PCDH11X: variants seen among roughly 807,000 people sequenced by gnomAD.
PCDH11X encodes the protein protocadherin 11 X-linked.
PCDH11X carries 18 observed loss-of-function variants against 53.3 expected under a neutral mutation model. That is an observed-to-expected ratio of 0.34 (90% CI 0.23 to 0.50). The LOEUF (loss-of-function observed/expected upper bound fraction) is 0.50. Among genes scored for constraint, PCDH11X ranks in the 20% least tolerant of loss-of-function variants. PCDH11X has a pLI of 0.98. For missense variants in PCDH11X, 570 were observed against 1,032.4 expected, an observed-to-expected ratio of 0.55 and a Z score of 6.14; for synonymous variants, 279 against 393.3, an observed-to-expected ratio of 0.71 and a Z score of 3.44.
At chrX:92,043,235 T>G (rs1399810834) in intron 6 of PCDH11X, among the ~76,000 whole-genome samples, 1 of 106,289 alleles carries the variant, frequency 9.4e-6, no homozygotes, top group Non-Finnish European at 1.9e-5. Flanking sequence ...TTACTTTTCT[T>G]GACTTCATTT....
chrX:91,855,562 G>A (rs769308862), intron 5 of PCDH11X, among the ~76,000 whole-genome samples: 2 of 108,864 alleles, frequency 1.8e-5, no homozygotes, highest in South Asian at 7.9e-4. Context: ...TATTGGGATT[G>A]CATTGAACCT....
intron 8 of PCDH11X, among the ~76,000 whole-genome samples, chrX:92,361,200 A>G (rs2070338905): frequency 9.1e-6 from 1 of 109,334 alleles, no homozygotes; most frequent in African/African-American, 3.3e-5. Flanking sequence ...TATTTTGGTT[A>G]CTGTCTTTGA....
chrX:91,899,168 G>A (rs898138106), intron 6 of PCDH11X, among the ~76,000 whole-genome samples: 15 of 110,716 alleles, frequency 1.4e-4, no homozygotes, highest in East Asian at 2.9e-4. Context: ...AAGCGAGTTC[G>A]AGTCCCCAAA....
At chrX:92,310,863 G>A (rs1207084932) in intron 8 of PCDH11X, among the ~76,000 whole-genome samples, 8 of 111,684 alleles carry the variant, frequency 7.2e-5, no homozygotes, top group Non-Finnish European at 1.3e-4. Context: ...TAAATGTAGC[G>A]CATTGTAGAT....
intron 6 of PCDH11X, among the ~76,000 whole-genome samples, chrX:92,122,202 C>T (rs978901029): frequency 9.1e-6 from 1 of 109,861 alleles, no homozygotes; most frequent in East Asian, 2.9e-4. Flanking sequence ...AGGCTGGTCT[C>T]GAACTCCTGA....
chrX:92,013,438 A>G (rs769261751), intron 6 of PCDH11X, among the ~76,000 whole-genome samples: 338 of 111,686 alleles, frequency 3.0e-3, no homozygotes, highest in African/African-American at 0.01. Context: ...AATCAATATC[A>G]TGAAAATGGC....
At chrX:92,365,036 G>T (rs1451269922) in intron 8 of PCDH11X, among the ~76,000 whole-genome samples, 1 of 79,083 alleles carries the variant, frequency 1.3e-5, no homozygotes, top group African/African-American at 4.8e-5. Context: ...ACAAACATTA[G>T]CATAGGCTTG....
At chrX:92,571,880 G>T (rs995111133) in intron 10 of PCDH11X, among the ~76,000 whole-genome samples, 4 of 111,791 alleles carry the variant, frequency 3.6e-5, no homozygotes, top group African/African-American at 1.3e-4. Flanking sequence ...ATGTTGGATG[G>T]GACCAATATT....
At chrX:92,370,236 AATAT>A (rs1325794853) in intron 8 of PCDH11X, among the ~76,000 whole-genome samples, 2 of 110,483 alleles carry the variant, frequency 1.8e-5, no homozygotes, top group Non-Finnish European at 3.8e-5. Flanking sequence ...TTTCTACTTT[AATAT>A]ATAGTTTCAT....
At chrX:91,947,145 A>T (rs1465939146) in intron 6 of PCDH11X, among the ~76,000 whole-genome samples, 2 of 108,603 alleles carry the variant, frequency 1.8e-5, no homozygotes, top group Non-Finnish European at 3.8e-5. Context: ...CAAAATTTTT[A>T]TAAAAATTTT....
rs1316662696 is a variant in PCDH11X at position 92,080,351 on chromosome X, A to G, written c.3034-121024A>G. 7.2e-5 allele frequency among the ~76,000 whole-genome samples: 8 copies of G among 111,413 alleles called. No individual in the cohort carries two copies. The East Asian group carries it at 2.3e-3, about 32-fold the overall frequency. On this transcript the variant is annotated intron_variant, in intron 6 of 10. Coordinates refer to ENST00000682573, the MANE Select transcript of PCDH11X (RefSeq NM_032968.5). ...GTTACAGTAGCAATAGGAAACAAAT[A>G]CAGATGTCTCCAAATCATAAGTTGA...
chrX:92,332,793 T>G (rs920404250), intron 8 of PCDH11X, among the ~76,000 whole-genome samples: 1 of 111,573 alleles, frequency 9.0e-6, no homozygotes, highest in African/African-American at 3.3e-5. Context: ...AAATACACAT[T>G]CTCAGGCCCT....
At chrX:92,330,763 A>G (rs1364581359) in intron 8 of PCDH11X, among the ~76,000 whole-genome samples, 22 of 109,799 alleles carry the variant, frequency 2.0e-4, no homozygotes, top group African/African-American at 7.3e-4. Flanking sequence ...AGGCAGCAAC[A>G]TGGAGGAATA....
At chrX:91,880,994 A>T (rs1939870925) in intron 6 of PCDH11X, among the ~76,000 whole-genome samples, 1 of 111,418 alleles carries the variant, frequency 9.0e-6, no homozygotes, top group Non-Finnish European at 1.9e-5. Flanking sequence ...TAAGAAGTGT[A>T]CAAAGAGTGG....
chrX:92,261,563 G>A (rs1037270379), intron 7 of PCDH11X, among the ~76,000 whole-genome samples: 3 of 111,107 alleles, frequency 2.7e-5, no homozygotes, highest in Non-Finnish European at 5.7e-5. Flanking sequence ...AATGCTTTTG[G>A]ATTGCTTTGT....
intron 6 of PCDH11X, among the ~76,000 whole-genome samples, chrX:92,123,219 T>C (rs2064803881): frequency 9.0e-6 from 1 of 111,673 alleles, no homozygotes; most frequent in Admixed American, 9.6e-5. Context: ...TTTCTCCGCC[T>C]AGATAAATAC....
At chrX:91,984,518 A>T (rs1268900030) in intron 6 of PCDH11X, among the ~76,000 whole-genome samples, 1 of 107,326 alleles carries the variant, frequency 9.3e-6, no homozygotes, top group East Asian at 2.9e-4. Flanking sequence ...TTCAGAGATA[A>T]TTTATCTGTA....
chrX:92,440,501 A>G (rs1378245588), intron 9 of PCDH11X, among the ~76,000 whole-genome samples: 3 of 108,432 alleles, frequency 2.8e-5, no homozygotes, highest in African/African-American at 1.0e-4. Context: ...TCATGGGGGC[A>G]GGACCTTCCC....
chrX:92,146,623 G>T (rs1274267845), intron 6 of PCDH11X, among the ~76,000 whole-genome samples: 2 of 111,404 alleles, frequency 1.8e-5, no homozygotes, highest in Non-Finnish European at 3.8e-5. Context: ...AATTGTAAAA[G>T]ACCTGTTTAC....
Sources: gnomAD v4.1 joint callset for allele counts (sites outside exome capture counted in the v4.1 genomes callset) on GRCh38, gnomAD v4.1.1 for gene constraint, MANE v1.5 for transcripts, NCBI Gene and HGNC (gene_info 2026-07-23, HGNC 2026-07-21) for gene names.